The following TMCO5A variants were observed in gnomAD, a reference collection of about 807,000 sequenced individuals.
TMCO5A encodes the protein transmembrane and coiled-coil domains 5A.
TMCO5A carries 34 observed loss-of-function variants against 42.3 expected under a neutral mutation model. The ratio of observed to expected loss-of-function variants is 0.80; its 90% CI spans 0.61 to 1.07. TMCO5A has a LOEUF of 1.07. TMCO5A is among the 50% of genes least tolerant of loss of function. The pLI is 0.00. For missense variants in TMCO5A, 357 were observed against 327.9 expected (o/e 1.09, Z -0.69); for synonymous variants, 131 against 115.6 (o/e 1.13, Z -0.86).
At chr15:37,968,877 G>T (rs1033056440), downstream of TMCO5A, among the ~76,000 whole-genome samples, 4 of 151,902 alleles carry the variant, frequency 2.6e-5, no homozygotes, top group East Asian at 7.7e-4. Context: ...CACCGCACCC[G>T]GCCTACTTCT....
At chr15:38,015,458 C>A in the TMCO5A span, among the ~76,000 whole-genome samples, 1 of 152,144 alleles carries the variant, frequency 6.6e-6, no homozygotes, top group Non-Finnish European at 1.5e-5. Flanking sequence ...GGTGGGAATG[C>A]AGAATGGTAC....
downstream of TMCO5A, among the ~76,000 whole-genome samples, chr15:37,969,867 CT>C (rs897167930): frequency 6.6e-6 from 1 of 152,090 alleles, no homozygotes; most frequent in Non-Finnish European, 1.5e-5. Flanking sequence ...TAATCTTGTT[CT>C]TTTTTTATGG....
At chr15:37,958,289 C>T (rs1890341356) in intron 11 of TMCO5A, among the ~76,000 whole-genome samples, 1 of 152,136 alleles carries the variant, frequency 6.6e-6, no homozygotes, top group Non-Finnish European at 1.5e-5. Context: ...AAACTATCAT[C>T]AGAGTGAACA....
At chr15:38,010,696 T>C in the TMCO5A span, among the ~76,000 whole-genome samples, 1 of 152,148 alleles carries the variant, frequency 6.6e-6, no homozygotes, top group Non-Finnish European at 1.5e-5. Flanking sequence ...TGTGGTAGTT[T>C]GTTACAGCAG....
chr15:38,039,761 G>A, the TMCO5A span, among the ~76,000 whole-genome samples: 4 of 94,244 alleles, frequency 4.2e-5, no homozygotes, highest in Admixed American at 1.2e-4. Context: ...CCAAATTCTC[G>A]ACTGTTCTTA....
At chr15:37,971,269 T>G (rs1209482809), downstream of TMCO5A, among the ~76,000 whole-genome samples, 1 of 152,332 alleles carries the variant, frequency 6.6e-6, no homozygotes, top group African/African-American at 2.4e-5. Context: ...GGCTTGGGGC[T>G]TCCACCCTCT....
chr15:37,992,266 C>T, the TMCO5A span, among the ~76,000 whole-genome samples: 1 of 152,076 alleles, frequency 6.6e-6, no homozygotes, highest in Non-Finnish European at 1.5e-5. Flanking sequence ...TATCACTGGT[C>T]ATTAGAGAAA....
chr15:37,957,529 A>T (rs1283451588), intron 11 of TMCO5A, among the ~76,000 whole-genome samples: 8 of 152,224 alleles, frequency 5.3e-5, no homozygotes, highest in Non-Finnish European at 1.2e-4. Flanking sequence ...AATACAACTT[A>T]CAAGGGATGT....
the TMCO5A span, among the ~76,000 whole-genome samples, chr15:38,032,541 T>C: frequency 6.6e-6 from 1 of 152,344 alleles, no homozygotes; most frequent in South Asian, 2.1e-4. Flanking sequence ...ATATACTTAA[T>C]TACATGCAGT....
chr15:37,984,634 G>A, the TMCO5A span: 2 of 150,570 alleles, frequency 1.3e-5, no homozygotes, highest in African/African-American at 4.9e-5. Context: ...CAGGGCCTTT[G>A]GGAGGTGATT....
intron 11 of TMCO5A, among the ~76,000 whole-genome samples, chr15:37,949,632 G>C (rs1890089405): frequency 6.6e-6 from 1 of 151,806 alleles, no homozygotes; most frequent in South Asian, 2.1e-4. Flanking sequence ...GAAAAAAATG[G>C]TTATCTGTAT....
At chr15:37,961,663 G>T (rs567089910) in intron 11 of TMCO5A, among the ~76,000 whole-genome samples, 1 of 152,102 alleles carries the variant, frequency 6.6e-6, no homozygotes. Flanking sequence ...CTACCCATCC[G>T]TGAGCATGGG....
chr15:37,935,953 T>A (rs1889494973), intron 2 of TMCO5A: 1 of 158,042 alleles, frequency 6.3e-6, no homozygotes, highest in African/African-American at 2.4e-5. Flanking sequence ...AAATGTGTAT[T>A]GTATGAGCAG....
At chr15:38,015,288 G>A in the TMCO5A span, among the ~76,000 whole-genome samples, 1 of 151,932 alleles carries the variant, frequency 6.6e-6, no homozygotes, top group Non-Finnish European at 1.5e-5. Flanking sequence ...TCCAATTAGA[G>A]GACAGAAAGT....
chr15:37,993,509 T>A, the TMCO5A span: 1 of 152,122 alleles, frequency 6.6e-6, no homozygotes, highest in Admixed American at 6.5e-5. Context: ...ACTCTCTGAA[T>A]TTCTCTGTAT....
chr15:37,959,690 C>T (rs867267007), intron 11 of TMCO5A, among the ~76,000 whole-genome samples: 6 of 151,856 alleles, frequency 4.0e-5, no homozygotes, highest in Admixed American at 2.0e-4. Flanking sequence ...CATAGCTCAA[C>T]GTAATAAAAG....
the TMCO5A span, among the ~76,000 whole-genome samples, chr15:38,012,181 T>C: frequency 1.3e-5 from 2 of 151,994 alleles, no homozygotes; most frequent in African/African-American, 2.4e-5. Flanking sequence ...AGGGTTTTCA[T>C]AGATTTCCTT....
chr15:37,969,029 T>C (rs1890622953), downstream of TMCO5A, among the ~76,000 whole-genome samples: 1 of 152,198 alleles, frequency 6.6e-6, no homozygotes, highest in African/African-American at 2.4e-5. Flanking sequence ...GAAGACATAA[T>C]ATCTGGTTTT....
the TMCO5A span, among the ~76,000 whole-genome samples, chr15:38,025,668 G>C: frequency 6.6e-6 from 1 of 152,078 alleles, no homozygotes; most frequent in Non-Finnish European, 1.5e-5. Flanking sequence ...CTCAGTCTTA[G>C]GTTAGGGCCC....
Sources: allele counts gnomAD v4.1 joint callset (sites outside exome capture counted in the v4.1 genomes callset), GRCh38; gene constraint gnomAD v4.1.1; transcripts MANE v1.5; gene names NCBI Gene and HGNC (gene_info 2026-07-23, HGNC 2026-07-21).